PALLD: variants seen among roughly 807,000 people sequenced by gnomAD.
The protein encoded by PALLD is palladin, cytoskeletal associated protein.
A neutral mutation model predicts 123.5 loss-of-function variants in PALLD; 61 were observed. That is an observed-to-expected ratio of 0.49 (90% CI 0.40 to 0.61). The LOEUF is 0.61. PALLD is among the 20% of genes least tolerant of loss of function. PALLD has a pLI of 0.00. For synonymous variants in PALLD, 465 were observed against 496.4 expected, an observed-to-expected ratio of 0.94 and a Z score of 0.84; for missense variants, 1,273 against 1,377.0, an observed-to-expected ratio of 0.92 and a Z score of 1.20.
chr4:168,863,682 T>C (rs1749838303), intron 10 of PALLD: 1 of 152,370 alleles, frequency 6.6e-6, no homozygotes. Flanking sequence ...AGTGACTTTA[T>C]TGTCTTCTGG....
intron 2 of PALLD, among the ~76,000 whole-genome samples, chr4:168,515,840 G>A (rs1416159897): frequency 6.6e-6 from 1 of 151,654 alleles, no homozygotes; most frequent in Non-Finnish European, 1.5e-5. Context: ...TAACATGCCT[G>A]GGCTACTAAG....
At chr4:168,904,679 A>G (rs1415188492) in intron 15 of PALLD, among the ~76,000 whole-genome samples, 4 of 151,484 alleles carry the variant, frequency 2.6e-5, no homozygotes, top group South Asian at 2.1e-4. Flanking sequence ...TTTTAAAAAG[A>G]AAAAAAAAGG....
At chr4:168,907,335 A>G (rs1758015716) in intron 15 of PALLD, among the ~76,000 whole-genome samples, 1 of 152,216 alleles carries the variant, frequency 6.6e-6, no homozygotes, top group Admixed American at 6.5e-5. Context: ...CCGTTCCCAC[A>G]GTACTGTCAG....
intron 2 of PALLD, among the ~76,000 whole-genome samples, chr4:168,659,208 T>G (rs1778896220): frequency 2.0e-5 from 3 of 152,246 alleles, no homozygotes; most frequent in Non-Finnish European, 4.4e-5. Context: ...CACTTTCAAA[T>G]TTCGTTTTGG....
At chr4:168,503,712 T>A (rs1333735720) in intron 1 of PALLD, among the ~76,000 whole-genome samples, 4 of 149,670 alleles carry the variant, frequency 2.7e-5, no homozygotes, top group Non-Finnish European at 5.9e-5. Flanking sequence ...GAGCAGCAAG[T>A]GCAAAGGTGT....
chr4:168,645,525 C>T (rs1283707809), intron 2 of PALLD, among the ~76,000 whole-genome samples: 1 of 152,166 alleles, frequency 6.6e-6, no homozygotes, highest in Non-Finnish European at 1.5e-5. Flanking sequence ...TCTGCTCCAC[C>T]ATTTCCTGTG....
At chr4:168,826,396 C>T (rs1743424302) in intron 10 of PALLD, among the ~76,000 whole-genome samples, 2 of 152,124 alleles carry the variant, frequency 1.3e-5, no homozygotes, top group South Asian at 4.1e-4. Flanking sequence ...CATATATATT[C>T]CTTGGAGCTT....
chr4:168,794,896 T>A (rs1738262950), intron 10 of PALLD, among the ~76,000 whole-genome samples: 1 of 152,220 alleles, frequency 6.6e-6, no homozygotes, highest in Non-Finnish European at 1.5e-5. Flanking sequence ...AACCAGCCAT[T>A]ATAGACTGGG....
At chr4:168,761,801 G>A (rs532183226) in intron 10 of PALLD, among the ~76,000 whole-genome samples, 2 of 151,786 alleles carry the variant, frequency 1.3e-5, no homozygotes, top group Admixed American at 6.6e-5. Context: ...GTGAGCCACC[G>A]TGCCCGGCAG....
chr4:168,511,720 T>A lies in PALLD; in HGVS notation c.216T>A (p.Pro72=). The A allele has an allele frequency of 6.2e-7, 1 of 1,614,194 alleles. No homozygotes were observed. Among genetic ancestry groups the A allele is most frequent in the Admixed American group, 1.7e-5 (1 of 60,020 alleles). The change falls in exon 2 of 22, where the codon CCT becomes CCA. Residue 72 remains proline (P), a synonymous_variant. Coordinates refer to ENST00000505667, the MANE Select transcript of PALLD (RefSeq NM_001166108.2). ...TCTCGCAGATTTTCAGTACTTCTCC[T>A]GCAAGCCTCTGTGAACATCCTTCCC... is the stretch of plus-strand genomic sequence containing the variant. ...KEISQIFSTS[P]ASLCEHPSHK...
chr4:168,610,248 G>C lies in PALLD; in HGVS notation c.909-57942G>C, dbSNP rs200450067. ...TGGCAGTCTCAGTGTTTTTCCCTCA[G>C]AGCTCCTGTTCTCCTGAGGGCATTC... On this transcript the variant is annotated intron_variant, in intron 2 of 21. Transcript: ENST00000505667. Among the ~76,000 whole-genome samples, 3 of 152,168 alleles carry C rather than the reference G, an allele frequency of 2.0e-5. No homozygotes were observed. In the East Asian group the frequency reaches 5.8e-4, roughly 29 times the overall value.
Position 168,761,553 on chromosome 4 carries a change from C to G in PALLD, c.1964+49630C>G, listed in dbSNP as rs181265008. On this transcript the variant is annotated intron_variant, in intron 10 of 21. Coordinates refer to ENST00000505667, the MANE Select transcript of PALLD (RefSeq NM_001166108.2). ...TCAGCTCACTACAACCTCCGCCTCC[C>G]GGGCTCAAGCGATTCTCCTGCCTCA... Among the ~76,000 whole-genome samples, 5 of 151,688 alleles carry G rather than the reference C, an allele frequency of 3.3e-5. No homozygotes were observed. In the East Asian group the frequency reaches 9.7e-4, roughly 29 times the overall value.
At chr4:168,580,165 TC>T (rs1432162271) in intron 2 of PALLD, among the ~76,000 whole-genome samples, 2 of 151,924 alleles carry the variant, frequency 1.3e-5, no homozygotes, top group African/African-American at 4.8e-5. Flanking sequence ...TAAGATGATG[TC>T]CTCCAGCCTC....
At chr4:168,867,645 A>G (rs1487383343) in intron 10 of PALLD, among the ~76,000 whole-genome samples, 1 of 152,178 alleles carries the variant, frequency 6.6e-6, no homozygotes, top group African/African-American at 2.4e-5. Flanking sequence ...GGTTTCTTTC[A>G]CAAGTTTATG....
chr4:168,837,145 C>A (rs1049333169), intron 10 of PALLD, among the ~76,000 whole-genome samples: 3 of 152,048 alleles, frequency 2.0e-5, no homozygotes, highest in African/African-American at 7.2e-5. Flanking sequence ...GGGATCCTGG[C>A]AGTAGCTGGC....
intron 8 of PALLD, among the ~76,000 whole-genome samples, chr4:168,702,695 G>A (rs17054492): frequency 0.18 from 26,786 of 151,818 alleles, 2,974 homozygotes; most frequent in East Asian, 0.33. Flanking sequence ...AAGAAATGAG[G>A]GATTTGACCT....
chr4:168,788,175 C>G (rs563418894), intron 10 of PALLD, among the ~76,000 whole-genome samples: 16 of 152,294 alleles, frequency 1.1e-4, no homozygotes, highest in Admixed American at 3.3e-4. Context: ...ATTTGAGTAG[C>G]AACCTAAGTA....
intron 16 of PALLD, among the ~76,000 whole-genome samples, chr4:168,915,346 G>A (rs1759883844): frequency 6.6e-6 from 1 of 152,078 alleles, no homozygotes; most frequent in South Asian, 2.1e-4. Flanking sequence ...ACAGAATCTG[G>A]GAGATTTGTA....
intron 2 of PALLD, among the ~76,000 whole-genome samples, chr4:168,620,461 C>CA (rs1185304968): frequency 7.9e-5 from 12 of 151,736 alleles, no homozygotes; most frequent in African/African-American, 7.2e-5. Flanking sequence ...TCTAAAAAAA[C>CA]AAAAAAAATT....
Sources: allele counts gnomAD v4.1 joint callset (sites outside exome capture counted in the v4.1 genomes callset), GRCh38; gene constraint gnomAD v4.1.1; transcripts MANE v1.5; gene names NCBI Gene and HGNC (gene_info 2026-07-23, HGNC 2026-07-21).